The following DAB1 variants were observed in gnomAD, a reference collection of about 807,000 sequenced individuals.
DAB1 encodes the protein disabled homolog 1.
Under a neutral mutation model 64.6 loss-of-function variants are expected in DAB1, and 15 were observed. The observed-to-expected ratio is 0.23, with a 90% confidence interval of 0.16 to 0.36. The LOEUF is 0.36. DAB1 is among the 10% of genes least tolerant of loss of function. The probability of loss-of-function intolerance (pLI) is 1.00; values close to 1 mark genes in which losing one functional copy is unlikely to be tolerated. For synonymous variants in DAB1, 235 were observed against 251.9 expected (o/e 0.93, Z 0.64); for missense variants, 596 against 706.7 (o/e 0.84, Z 1.78).
intron 3 of DAB1, among the ~76,000 whole-genome samples, chr1:58,413,655 C>T (rs369728642): frequency 2.1e-4 from 32 of 152,178 alleles, no homozygotes; most frequent in Admixed American, 7.2e-4. Flanking sequence ...TGCCATGCTG[C>T]TAATGGAAGA....
At chr1:57,241,284 T>C (rs956567946) in intron 2 of DAB1, among the ~76,000 whole-genome samples, 1 of 152,178 alleles carries the variant, frequency 6.6e-6, no homozygotes, top group Non-Finnish European at 1.5e-5. Flanking sequence ...TACAGTGTAA[T>C]TGAGGGAAGG....
At chr1:57,159,856 C>CAAAAAAAAAAAAAAAAAAAAA (rs398049302) in intron 2 of DAB1, among the ~76,000 whole-genome samples, 2 of 86,346 alleles carry the variant, frequency 2.3e-5, no homozygotes, top group Non-Finnish European at 4.5e-5. Context: ...AGCAGCAAGA[C>CAAAAAAAAAAAAAAAAAAAAA]AAAAAAAAAA....
intron 7 of DAB1, among the ~76,000 whole-genome samples, chr1:57,603,143 T>A (rs1000917562): frequency 9.2e-5 from 14 of 152,126 alleles, no homozygotes; most frequent in Admixed American, 8.5e-4. Context: ...TGGTTAATTT[T>A]GTATTTTTAG....
chr1:57,641,687 G>A (rs1312335648), intron 7 of DAB1, among the ~76,000 whole-genome samples: 4 of 151,704 alleles, frequency 2.6e-5, no homozygotes, highest in Admixed American at 1.3e-4. Flanking sequence ...TAACCCCAGC[G>A]TAATCTCTGA....
At chr1:57,900,936 A>T (rs1373648603) in intron 5 of DAB1, among the ~76,000 whole-genome samples, 1 of 152,196 alleles carries the variant, frequency 6.6e-6, no homozygotes, top group Non-Finnish European at 1.5e-5. Context: ...GGAACACAGC[A>T]GGTGCTTCAT....
At chr1:58,157,304 T>TTGTGCCTTCCTGCCCCTGGTG (rs1291767635) in intron 4 of DAB1, among the ~76,000 whole-genome samples, 6 of 152,214 alleles carry the variant, frequency 3.9e-5, no homozygotes, top group African/African-American at 1.2e-4. Context: ...AGAATGGCCT[T>TTGTGCCTTCCTGCCCCTGGTG]TGTGCCTTCC....
At chr1:57,609,963 T>A (rs1381055791) in intron 7 of DAB1, among the ~76,000 whole-genome samples, 1 of 152,178 alleles carries the variant, frequency 6.6e-6, no homozygotes, top group Non-Finnish European at 1.5e-5. Flanking sequence ...TATTTGGAAA[T>A]GGCTGCAGGG....
chr1:58,173,557 T>G (rs1216775911), intron 4 of DAB1, among the ~76,000 whole-genome samples: 1 of 152,148 alleles, frequency 6.6e-6, no homozygotes, highest in South Asian at 2.1e-4. Context: ...AAATGGTTTT[T>G]TCTCCAATGG....
At chr1:58,342,749 A>G (rs1643954029) in intron 4 of DAB1, among the ~76,000 whole-genome samples, 1 of 152,016 alleles carries the variant, frequency 6.6e-6, no homozygotes. Context: ...TTTCCATCAA[A>G]ACATATTGAT....
chr1:57,834,676 T>C (rs1343677177), intron 1 of DAB1, among the ~76,000 whole-genome samples: 3 of 151,638 alleles, frequency 2.0e-5, no homozygotes, highest in Admixed American at 6.6e-5. Flanking sequence ...TGTGTACATA[T>C]ATATGTGTAT....
intron 1 of DAB1, among the ~76,000 whole-genome samples, chr1:57,839,272 A>G (rs909950160): frequency 3.3e-5 from 5 of 152,228 alleles, no homozygotes; most frequent in Non-Finnish European, 7.3e-5. Flanking sequence ...CCTTTAAAAA[A>G]TGGAAATGAA....
chr1:57,041,425 C>T (rs941826468), intron 9 of DAB1, among the ~76,000 whole-genome samples: 1 of 152,146 alleles, frequency 6.6e-6, no homozygotes, highest in Non-Finnish European at 1.5e-5. Flanking sequence ...AGTGCCACAA[C>T]AAGGGTACCA....
At chr1:58,409,590 G>A (rs557681422) in intron 3 of DAB1, among the ~76,000 whole-genome samples, 1 of 152,316 alleles carries the variant, frequency 6.6e-6, no homozygotes, top group Admixed American at 6.5e-5. Context: ...TGCGAATAGG[G>A]ATATTACACT....
intron 4 of DAB1, among the ~76,000 whole-genome samples, chr1:58,286,707 T>C (rs1166375174): frequency 6.6e-6 from 1 of 152,240 alleles, no homozygotes; most frequent in African/African-American, 2.4e-5. Context: ...GGAATACTTC[T>C]ACACTGTTGG....
At chr1:57,982,194 T>C (rs773739516) in intron 5 of DAB1, among the ~76,000 whole-genome samples, 3 of 152,172 alleles carry the variant, frequency 2.0e-5, no homozygotes, top group Non-Finnish European at 2.9e-5. Flanking sequence ...TCTTTTTCCA[T>C]TTACTTATTC....
chr1:57,978,238 A>G (rs1433049844), intron 5 of DAB1, among the ~76,000 whole-genome samples: 1 of 152,162 alleles, frequency 6.6e-6, no homozygotes, highest in African/African-American at 2.4e-5. Flanking sequence ...GTGGAACAGA[A>G]CAGAGGCCTC....
chr1:57,603,817 T>C (rs556467231), intron 7 of DAB1, among the ~76,000 whole-genome samples: 137 of 152,282 alleles, frequency 9.0e-4, no homozygotes, highest in African/African-American at 3.1e-3. Flanking sequence ...ACACACCCCT[T>C]TCAAAGTGGT....
intron 1 of DAB1, chr1:57,875,176 C>G (rs1644022336): frequency 3.3e-5 from 5 of 152,224 alleles, no homozygotes; most frequent in Admixed American, 2.6e-4. Context: ...TGGGTCCGCT[C>G]TGCCATCTAC....
intron 4 of DAB1, among the ~76,000 whole-genome samples, chr1:57,133,735 C>T (rs1262757453): frequency 6.6e-6 from 1 of 152,094 alleles, no homozygotes; most frequent in Non-Finnish European, 1.5e-5. Context: ...TGTTTCTTTT[C>T]TTGGTTTTTA....
Sources: gnomAD v4.1 joint callset for allele counts (sites outside exome capture counted in the v4.1 genomes callset) on GRCh38, gnomAD v4.1.1 for gene constraint, MANE v1.5 for transcripts, NCBI Gene and HGNC (gene_info 2026-07-23, HGNC 2026-07-21) for gene names.